The following RIOK3 variants were observed in gnomAD, a reference collection of about 807,000 sequenced individuals.
RIOK3 encodes serine/threonine-protein kinase RIO3.
In RIOK3, 40 loss-of-function variants were observed where a neutral mutation model predicts 63.5. The observed-to-expected ratio is 0.63, with a 90% CI of 0.49 to 0.82. The LOEUF (loss-of-function observed/expected upper bound fraction) is 0.82, where lower values mean the gene tolerates loss of function less well. RIOK3 is among the 40% of genes least tolerant of loss of function. The pLI, the probability that RIOK3 is intolerant of heterozygous loss-of-function variation, is 0.00. For missense variants in RIOK3, 557 were observed against 637.0 expected (o/e 0.87, Z 1.35); for synonymous variants, 193 against 205.0 (o/e 0.94, Z 0.50).
Position 23,473,605 on chromosome 18 carries a change from AAG to A in RIOK3, c.994_995del (p.Glu332AsnfsTer33). The A allele has an allele frequency of 1.2e-6, 2 of 1,613,284 alleles. No individual in the cohort carries two copies. The highest frequency in any genetic ancestry group is 1.7e-6 in the Non-Finnish European group (2 of 1,179,478). ...AAGATCATCCGCATGTGGGCAGAAA[AAG>A]AAATGCACAATCTCGCAAGGTAAAG... On this transcript the variant is annotated frameshift_variant, in exon 8 of 13. Coordinates refer to ENST00000339486, the MANE Select transcript of RIOK3 (RefSeq NM_003831.5). LOFTEE classifies it high-confidence loss of function.
At chr18:23,469,460 T>TTTTC (rs1222367922) in intron 7 of RIOK3, among the ~76,000 whole-genome samples, 6 of 144,768 alleles carry the variant, frequency 4.1e-5, no homozygotes, top group East Asian at 2.1e-4. Flanking sequence ...CTCTCTCTCT[T>TTTTC]TTTCTTTCTT....
chr18:23,472,056 A>G (rs1266296394), intron 7 of RIOK3, among the ~76,000 whole-genome samples: 1 of 152,062 alleles, frequency 6.6e-6, no homozygotes, highest in Admixed American at 6.6e-5. Context: ...AACATGGTGA[A>G]ACCCCGTCTC....
intron 5 of RIOK3, among the ~76,000 whole-genome samples, chr18:23,465,000 CTCTT>C (rs1264034932): frequency 6.6e-6 from 1 of 152,158 alleles, no homozygotes; most frequent in Non-Finnish European, 1.5e-5. Flanking sequence ...TCACCATATA[CTCTT>C]TTGTGCATTT....
In RIOK3 at chr18:23,481,293, TG is replaced by T. The variant is rs771144618; in HGVS notation, c.*15del. 215 of 1,461,492 alleles carry T rather than the reference TG, an allele frequency of 1.5e-4. No homozygotes were observed. Among genetic ancestry groups the T allele is most frequent in the Non-Finnish European group, 1.8e-4 (193 of 1,060,372 alleles). 90.5% of individuals were successfully genotyped at this position (1,461,492 alleles called of 1,614,324 possible). A position where few individuals can be genotyped will look rare whatever the true frequency, so the allele number is the denominator to read the frequency against. ...TATGATGAATAGCACTAATACCCAC[TG>T]CTTCAGTGTTAACACAGCAGTGATT... On this transcript the variant is annotated 3_prime_UTR_variant, in exon 13 of 13. Coordinates refer to ENST00000339486, the MANE Select transcript of RIOK3 (RefSeq NM_003831.5).
chr18:23,467,014 TA>T (rs199686879), intron 6 of RIOK3, among the ~76,000 whole-genome samples: 248 of 140,108 alleles, frequency 1.8e-3, no homozygotes, highest in South Asian at 6.3e-3. Flanking sequence ...TCTCTGTCTC[TA>T]AAAAAAAAAA....
chr18:23,475,477 A>AT (rs1001431296), intron 9 of RIOK3, among the ~76,000 whole-genome samples: 4 of 151,256 alleles, frequency 2.6e-5, no homozygotes, highest in African/African-American at 9.7e-5. Context: ...AAAAAAAAAA[A>AT]AAATTAAAAA....
At chr18:23,460,815 G>T (rs534544935) in intron 1 of RIOK3, among the ~76,000 whole-genome samples, 3 of 152,286 alleles carry the variant, frequency 2.0e-5, no homozygotes, top group East Asian at 1.9e-4. Flanking sequence ...ATGATAGAAA[G>T]CTTCAAGAGT....
At position 23,476,920 on chromosome 18, in the gene RIOK3, TAAA is replaced by T. The variant is rs2057494900; in HGVS notation, c.1174-82_1174-80del. 3 of 1,154,176 alleles carry T rather than the reference TAAA, an allele frequency of 2.6e-6. No individual in the cohort carries two copies. In the Admixed American group the frequency reaches 6.0e-5, roughly 23 times the overall value. The allele number at this position is 1,154,176 out of a possible 1,614,324, so 71.5% of individuals were successfully genotyped here. ...GAGTGAGACTCTGTCTCCAAAAAAA[TAAA>T]AAATAAAAAACTTTCAGGGGTGTCA... On this transcript the variant is annotated intron_variant, in intron 9 of 12. Coordinates refer to ENST00000339486, the MANE Select transcript of RIOK3 (RefSeq NM_003831.5).
intron 9 of RIOK3, 45 bp downstream of exon 9, chr18:23,475,152 T>C (rs1272037745): frequency 6.7e-7 from 1 of 1,501,496 alleles, no homozygotes. Context: ...CTTTAAAAAA[T>C]ATTTCCTCTA....
chr18:23,454,432 G>A (rs1262879813), intron 1 of RIOK3, among the ~76,000 whole-genome samples: 6 of 152,230 alleles, frequency 3.9e-5, no homozygotes, highest in Non-Finnish European at 7.4e-5. Flanking sequence ...ACAGCTGTTG[G>A]AAGAATCTGA....
chr18:23,469,138 T>C (rs1199554172), intron 7 of RIOK3, among the ~76,000 whole-genome samples: 1 of 152,180 alleles, frequency 6.6e-6, no homozygotes, highest in East Asian at 1.9e-4. Flanking sequence ...TGAGACTTAG[T>C]GTTATGTTAT....
At chr18:23,475,178 T>C in intron 9 of RIOK3, 71 bp downstream of exon 9, 1 of 1,353,662 alleles carries the variant, frequency 7.4e-7, no homozygotes, top group South Asian at 1.4e-5. Context: ...TAAAAAAATT[T>C]CCTTAAAGAA....
intron 12 of RIOK3, among the ~76,000 whole-genome samples, chr18:23,480,357 G>A (rs749866637): frequency 3.3e-5 from 5 of 152,130 alleles, no homozygotes; most frequent in Non-Finnish European, 5.9e-5. Flanking sequence ...CAATACAGTT[G>A]CTCAGTAAGT....
chr18:23,466,257 A>G lies in RIOK3; in HGVS notation c.668A>G (p.Lys223Arg). The change falls in exon 6 of 13, where the codon AAA becomes AGA. Residue 223 changes from lysine to arginine, a missense_variant. Transcript: ENST00000339486. ...EERRSARLHE[K>R]KEHSTAEKAV... ...CGTCGAAGTGCCCGCCTACATGAGA[A>G]AAAGGAGCATTCTACAGCAGTAAGG... The G allele has an allele frequency of 6.2e-7, 1 of 1,609,688 alleles. No homozygotes were observed. Among genetic ancestry groups the G allele is most frequent in the African/African-American group, 1.3e-5 (1 of 74,808 alleles).
In RIOK3 at chr18:23,479,430, T is replaced by G. The variant is rs747204625; in HGVS notation, c.1452+6T>G. On this transcript the variant is annotated splice_donor_region_variant and intron_variant, in intron 12 of 12. Transcript: ENST00000339486. ...AAGCTGATTTTTTAGCTGAGGTATGTGATAAACAGCTGTTTTTCACCTTGC... is the reference window on the plus strand; with the variant it reads ...AAGCTGATTTTTTAGCTGAGGTATGGGATAAACAGCTGTTTTTCACCTTGC... 6.4e-7 allele frequency: 1 copy of G among 1,571,662 alleles called. No homozygotes were observed. The highest frequency in any genetic ancestry group is 8.8e-7 in the Non-Finnish European group (1 of 1,141,458).
In RIOK3 at chr18:23,463,819, T is replaced by G; in HGVS notation, c.180-148T>G. The G allele has an allele frequency of 4.6e-6, 3 of 655,228 alleles. No homozygotes were observed. In the East Asian group the frequency reaches 8.0e-5, roughly 18 times the overall value. 40.6% of individuals were successfully genotyped at this position (655,228 alleles called of 1,614,324 possible). ...AGGTGCATGCCATTGGTCTTAAGGC[T>G]AGCTGTGCAGGAGAAGGTAAATGGT... is the stretch of plus-strand genomic sequence containing the variant. On this transcript the variant is annotated intron_variant, in intron 2 of 12. Coordinates refer to ENST00000339486, the MANE Select transcript of RIOK3 (RefSeq NM_003831.5).
chr18:23,454,802 G>A (rs992593338), intron 1 of RIOK3, among the ~76,000 whole-genome samples: 6 of 152,178 alleles, frequency 3.9e-5, no homozygotes, highest in Non-Finnish European at 8.8e-5. Context: ...ATTTATAGAC[G>A]CTCTATTGGG....
At chr18:23,459,127 CAAAAT>C (rs1395396280) in intron 1 of RIOK3, among the ~76,000 whole-genome samples, 1 of 152,142 alleles carries the variant, frequency 6.6e-6, no homozygotes, top group Non-Finnish European at 1.5e-5. Flanking sequence ...ATCTCTGCCT[CAAAAT>C]AACAAAATTC....
intron 7 of RIOK3, among the ~76,000 whole-genome samples, chr18:23,469,340 CCTCTCT>C (rs1568384348): frequency 0.027 from 241 of 8,856 alleles, no homozygotes; most frequent in South Asian, 0.033. Flanking sequence ...TCTCTCTCCC[CCTCTCT>C]CCCCCTCTCT....
Sources: gnomAD v4.1 joint callset for allele counts (sites outside exome capture counted in the v4.1 genomes callset) on GRCh38, gnomAD v4.1.1 for gene constraint, MANE v1.5 for transcripts, NCBI Gene and HGNC (gene_info 2026-07-23, HGNC 2026-07-21) for gene names.